Variants in NCAM2 observed in about 807,000 individuals in gnomAD.
NCAM2 encodes N-CAM-2.
NCAM2 carries 30 observed loss-of-function variants against 98.1 expected under a neutral mutation model. The ratio of observed to expected loss-of-function variants is 0.31; its 90% CI spans 0.23 to 0.41. The LOEUF (loss-of-function observed/expected upper bound fraction) is 0.41, where lower values mean the gene tolerates loss of function less well. NCAM2 is among the 10% of genes least tolerant of loss of function. The pLI, the probability that NCAM2 is intolerant of heterozygous loss-of-function variation, is 1.00. For synonymous variants in NCAM2, 368 were observed against 342.4 expected, an observed-to-expected ratio of 1.07 and a Z score of -0.83; for missense variants, 867 against 1,005.8, an observed-to-expected ratio of 0.86 and a Z score of 1.87.
chr21:21,442,127 TG>T (rs1245656632), intron 12 of NCAM2, among the ~76,000 whole-genome samples: 1 of 152,126 alleles, frequency 6.6e-6, no homozygotes, highest in Non-Finnish European at 1.5e-5. Context: ...GGCAGTCCTT[TG>T]GGGTGTTTTG....
chr21:21,261,779 A>G (rs1198544951), intron 1 of NCAM2, among the ~76,000 whole-genome samples: 1 of 152,116 alleles, frequency 6.6e-6, no homozygotes, highest in Non-Finnish European at 1.5e-5. Flanking sequence ...CAAATTTACA[A>G]CCTAACATTG....
chr21:21,486,367 GATA>G (rs1475684627), intron 15 of NCAM2, among the ~76,000 whole-genome samples: 1 of 141,664 alleles, frequency 7.1e-6, no homozygotes, highest in Non-Finnish European at 1.5e-5. Flanking sequence ...GAGATAAAAC[GATA>G]TCTCAACTCA....
At chr21:21,266,109 A>T (rs2072260791) in intron 1 of NCAM2, among the ~76,000 whole-genome samples, 1 of 152,094 alleles carries the variant, frequency 6.6e-6, no homozygotes, top group African/African-American at 2.4e-5. Context: ...GCTTCCTTCT[A>T]CCTGATATTT....
At chr21:21,034,185 G>A (rs2064751903) in intron 1 of NCAM2, among the ~76,000 whole-genome samples, 1 of 152,080 alleles carries the variant, frequency 6.6e-6, no homozygotes, top group Non-Finnish European at 1.5e-5. Context: ...CTTGGAGTTG[G>A]CATTGCAGAT....
chr21:21,286,540 A>G, intron 4 of NCAM2, 128 bp downstream of exon 4: 1 of 1,018,208 alleles, frequency 9.8e-7, no homozygotes, highest in Non-Finnish European at 1.4e-6. Context: ...CTATTTTGAG[A>G]ACCTGTAAGC....
At chr21:21,146,766 A>G (rs1477204656) in intron 1 of NCAM2, among the ~76,000 whole-genome samples, 1 of 152,138 alleles carries the variant, frequency 6.6e-6, no homozygotes, top group African/African-American at 2.4e-5. Context: ...TCCTTGGATA[A>G]CACCAAAAAC....
chr21:21,338,826 T>C (rs1401770615), intron 8 of NCAM2, among the ~76,000 whole-genome samples: 7 of 152,162 alleles, frequency 4.6e-5, no homozygotes, highest in African/African-American at 1.7e-4. Context: ...CTATAAAGTA[T>C]GTTATTGCAG....
At chr21:21,080,551 G>T (rs1334505091) in intron 1 of NCAM2, among the ~76,000 whole-genome samples, 1 of 149,968 alleles carries the variant, frequency 6.7e-6, no homozygotes, top group Non-Finnish European at 1.5e-5. Flanking sequence ...GGGATGTGGA[G>T]GTTGTAGTGA....
intron 1 of NCAM2, among the ~76,000 whole-genome samples, chr21:21,264,474 A>G (rs999798715): frequency 1.3e-5 from 2 of 152,004 alleles, no homozygotes; most frequent in African/African-American, 4.8e-5. Context: ...CTACCATTTG[A>G]CCTAGCAATT....
intron 1 of NCAM2, among the ~76,000 whole-genome samples, chr21:21,221,227 C>T (rs77009621): frequency 2.0e-5 from 3 of 152,252 alleles, no homozygotes; most frequent in Middle Eastern, 3.4e-3. Context: ...TTCTCTGGCT[C>T]CCCTATTCTC....
chr21:21,232,561 A>G (rs1343992527), intron 1 of NCAM2, among the ~76,000 whole-genome samples: 2 of 151,598 alleles, frequency 1.3e-5, no homozygotes, highest in Non-Finnish European at 3.0e-5. Context: ...TAGGATTTAG[A>G]GTATTTAAAA....
chr21:21,029,738 C>T (rs908259678), intron 1 of NCAM2, among the ~76,000 whole-genome samples: 17 of 152,060 alleles, frequency 1.1e-4, no homozygotes, highest in African/African-American at 4.1e-4. Context: ...TCAAGTGATC[C>T]CCCTGCCTTA....
chr21:21,124,819 C>A (rs2066753220), intron 1 of NCAM2, among the ~76,000 whole-genome samples: 1 of 152,050 alleles, frequency 6.6e-6, no homozygotes, highest in African/African-American at 2.4e-5. Context: ...CTCAATGAGA[C>A]ATGTATGTTA....
intron 1 of NCAM2, among the ~76,000 whole-genome samples, chr21:21,236,331 C>T (rs537342830): frequency 3.3e-5 from 5 of 152,012 alleles, no homozygotes; most frequent in Admixed American, 1.3e-4. Flanking sequence ...GTGGAGAATT[C>T]GTTGATATCA....
chr21:21,250,749 C>G (rs2071439404), intron 1 of NCAM2, among the ~76,000 whole-genome samples: 1 of 152,158 alleles, frequency 6.6e-6, no homozygotes, highest in Non-Finnish European at 1.5e-5. Flanking sequence ...CAGAAAATTT[C>G]AACTGCAAAC....
intron 5 of NCAM2, among the ~76,000 whole-genome samples, chr21:21,312,501 A>G (rs958104382): frequency 2.0e-5 from 3 of 151,674 alleles, no homozygotes; most frequent in African/African-American, 7.2e-5. Context: ...CAATTAATCT[A>G]TCCAACCTAA....
intron 5 of NCAM2, among the ~76,000 whole-genome samples, chr21:21,293,992 G>A (rs2147591300): frequency 6.6e-6 from 1 of 151,478 alleles, no homozygotes; most frequent in East Asian, 2.0e-4. Context: ...ATTAATTCAA[G>A]TTTGATATTA....
At chr21:21,361,256 C>T (rs1431368175) in intron 8 of NCAM2, among the ~76,000 whole-genome samples, 1 of 151,804 alleles carries the variant, frequency 6.6e-6, no homozygotes, top group Non-Finnish European at 1.5e-5. Flanking sequence ...ACATACACAT[C>T]CTTCATACGT....
At chr21:20,999,091 T>C (rs78527416) in intron 1 of NCAM2, among the ~76,000 whole-genome samples, 1 of 152,066 alleles carries the variant, frequency 6.6e-6, no homozygotes, top group Admixed American at 6.6e-5. Flanking sequence ...CTTTTTTTTT[T>C]CCACCCCTTT....
Sources: allele counts gnomAD v4.1 joint callset (sites outside exome capture counted in the v4.1 genomes callset), GRCh38; gene constraint gnomAD v4.1.1; transcripts MANE v1.5; gene names NCBI Gene and HGNC (gene_info 2026-07-23, HGNC 2026-07-21).